PRR5L: variants seen among roughly 807,000 people sequenced by gnomAD.
PRR5L encodes proline rich 5 like, also known as proline-rich protein 5-like.
A neutral mutation model predicts 36.4 loss-of-function variants in PRR5L; 21 were observed. That is an observed-to-expected ratio of 0.58 (90% CI 0.41 to 0.83). The LOEUF (loss-of-function observed/expected upper bound fraction) is 0.83, where lower values mean the gene tolerates loss of function less well. Among genes scored for constraint, PRR5L ranks in the 40% least tolerant of loss-of-function variants. PRR5L has a pLI of 0.00. For missense variants in PRR5L, 381 were observed against 473.3 expected, an observed-to-expected ratio of 0.80 and a Z score of 1.81; for synonymous variants, 188 against 197.0, an observed-to-expected ratio of 0.95 and a Z score of 0.38.
chr11:36,355,487 T>C (rs1315759729), intron 1 of PRR5L, among the ~76,000 whole-genome samples: 1 of 151,980 alleles, frequency 6.6e-6, no homozygotes, highest in African/African-American at 2.4e-5. Context: ...GTTAGTGAAT[T>C]GTACAAGCAA....
chr11:36,366,768 C>G (rs753007241), intron 1 of PRR5L, among the ~76,000 whole-genome samples: 1 of 152,152 alleles, frequency 6.6e-6, no homozygotes, highest in Non-Finnish European at 1.5e-5. Context: ...GGCTTTGACT[C>G]TGAGGAAAGG....
intron 3 of PRR5L, among the ~76,000 whole-genome samples, chr11:36,406,689 A>G (rs1857918909): frequency 6.6e-6 from 1 of 152,112 alleles, no homozygotes; most frequent in Non-Finnish European, 1.5e-5. Flanking sequence ...AGATCTATCA[A>G]CTCAACATGG....
intron 3 of PRR5L, among the ~76,000 whole-genome samples, chr11:36,411,730 G>T (rs1199501078): frequency 6.6e-6 from 1 of 152,146 alleles, no homozygotes; most frequent in African/African-American, 2.4e-5. Context: ...ACACGTCCCG[G>T]CAATTCTTTT....
chr11:36,447,766 G>A (rs1344803751), intron 7 of PRR5L, among the ~76,000 whole-genome samples: 1 of 152,150 alleles, frequency 6.6e-6, no homozygotes, highest in African/African-American at 2.4e-5. Flanking sequence ...TAATTAGAGA[G>A]GAGGAAGAGT....
intron 1 of PRR5L, among the ~76,000 whole-genome samples, chr11:36,350,569 A>G (rs1856918678): frequency 6.6e-6 from 1 of 151,630 alleles, no homozygotes; most frequent in African/African-American, 2.4e-5. Context: ...GCTTTTGGGG[A>G]ACAGGTCGTG....
chr11:36,460,901 T>G (rs1291399358), intron 8 of PRR5L, among the ~76,000 whole-genome samples: 1 of 152,242 alleles, frequency 6.6e-6, no homozygotes, highest in Non-Finnish European at 1.5e-5. Context: ...GCTGCTGCCA[T>G]TGCTCAGAAC....
chr11:36,456,528 C>T (rs1035257272), intron 8 of PRR5L, among the ~76,000 whole-genome samples: 1 of 152,224 alleles, frequency 6.6e-6, no homozygotes, highest in Non-Finnish European at 1.5e-5. Context: ...AGGGTGCTGT[C>T]GTCTCTATCT....
At chr11:36,297,442 C>T (rs1034964934) in intron 1 of PRR5L, 4 of 152,212 alleles carry the variant, frequency 2.6e-5, no homozygotes, top group Admixed American at 6.5e-5. Context: ...GTAAGAATTG[C>T]TCAATGAGTG....
At chr11:36,425,487 G>T (rs146141681) in intron 4 of PRR5L, 1 of 152,192 alleles carries the variant, frequency 6.6e-6, no homozygotes, top group East Asian at 1.9e-4. Flanking sequence ...TTTTCGTTTT[G>T]CATGTTCAGC....
chr11:36,351,561 A>T (rs374279091), intron 1 of PRR5L, among the ~76,000 whole-genome samples: 258 of 10,454 alleles, frequency 0.025, 30 homozygotes, highest in African/African-American at 0.1. Context: ...ATATTTATAT[A>T]TTTATATATT....
At chr11:36,297,748 G>T (rs1015109621) in intron 1 of PRR5L, among the ~76,000 whole-genome samples, 2 of 152,162 alleles carry the variant, frequency 1.3e-5, no homozygotes, top group Admixed American at 6.5e-5. Flanking sequence ...CCAGATCTTT[G>T]AATTTGGTTC....
intron 3 of PRR5L, among the ~76,000 whole-genome samples, chr11:36,408,826 T>G (rs1437849179): frequency 6.6e-6 from 1 of 152,226 alleles, no homozygotes; most frequent in African/African-American, 2.4e-5. Context: ...TGATGTTTGC[T>G]GGTTCTTTGA....
chr11:36,311,114 G>A (rs1203334012), intron 1 of PRR5L, among the ~76,000 whole-genome samples: 1 of 152,084 alleles, frequency 6.6e-6, no homozygotes, highest in Non-Finnish European at 1.5e-5. Flanking sequence ...ATGGGAGGAA[G>A]GAAGAGCTTG....
chr11:36,319,468 C>A (rs572985128), intron 1 of PRR5L, among the ~76,000 whole-genome samples: 61 of 152,278 alleles, frequency 4.0e-4, no homozygotes, highest in African/African-American at 1.3e-3. Flanking sequence ...CCGTAAAGGG[C>A]CAGATAGTAA....
chr11:36,376,371 A>C (rs1590501292), intron 1 of PRR5L: 3 of 1,002,980 alleles, frequency 3.0e-6, no homozygotes, highest in South Asian at 1.9e-5. Context: ...GAGGAGGAGG[A>C]GGAGGCGGCC....
At chr11:36,435,323 T>A (rs1858581965) in intron 5 of PRR5L, among the ~76,000 whole-genome samples, 2 of 152,214 alleles carry the variant, frequency 1.3e-5, no homozygotes, top group Non-Finnish European at 2.9e-5. Flanking sequence ...GAGTCAGGAA[T>A]CAGAAAAACC....
intron 1 of PRR5L, among the ~76,000 whole-genome samples, chr11:36,386,790 C>G (rs385986): frequency 0.72 from 109,708 of 152,170 alleles, 39,789 homozygotes; most frequent in East Asian, 0.8. Context: ...AACCTACCTC[C>G]TTGGTTTAGA....
At chr11:36,347,889 C>A (rs1056301627) in intron 1 of PRR5L, among the ~76,000 whole-genome samples, 7 of 152,042 alleles carry the variant, frequency 4.6e-5, no homozygotes, top group Non-Finnish European at 8.8e-5. Flanking sequence ...GATAGATAGA[C>A]CTGGTTTTGC....
intron 8 of PRR5L, among the ~76,000 whole-genome samples, chr11:36,461,376 A>G (rs1351593637): frequency 6.6e-6 from 1 of 152,136 alleles, no homozygotes; most frequent in African/African-American, 2.4e-5. Flanking sequence ...TAATCCCAGC[A>G]CTTTGGGAGG....
Sources: allele counts gnomAD v4.1 joint callset (sites outside exome capture counted in the v4.1 genomes callset), GRCh38; gene constraint gnomAD v4.1.1; transcripts MANE v1.5; gene names NCBI Gene and HGNC (gene_info 2026-07-23, HGNC 2026-07-21).